RBFOX1: variants seen among roughly 807,000 people sequenced by gnomAD.
RBFOX1 encodes RNA binding protein fox-1 homolog 1.
Under a neutral mutation model 57.7 loss-of-function variants are expected in RBFOX1, and 8 were observed. The ratio of observed to expected loss-of-function variants is 0.14; its 90% confidence interval spans 0.08 to 0.25. The LOEUF is 0.25. Ranked by LOEUF, RBFOX1 falls within the 10% of genes least tolerant of loss-of-function variation. The pLI, the probability that RBFOX1 is intolerant of heterozygous loss-of-function variation, is 1.00. For synonymous variants in RBFOX1, 326 were observed against 222.4 expected (o/e 1.47, Z -4.15); for missense variants, 611 against 548.5 (o/e 1.11, Z -1.14).
At chr16:6,841,409 A>G (rs2093454401) in intron 3 of RBFOX1, among the ~76,000 whole-genome samples, 1 of 152,158 alleles carries the variant, frequency 6.6e-6, no homozygotes, top group Non-Finnish European at 1.5e-5. Flanking sequence ...GTGTTAATTG[A>G]CATCCTGTTT....
rs550731916 is a variant in RBFOX1 at position 5,355,265 on chromosome 16, C to T, written c.220-111951C>T. Among the ~76,000 whole-genome samples, 457 of 152,258 alleles carry T rather than the reference C, an allele frequency of 3.0e-3. 4 individuals carry two copies. The highest frequency in any genetic ancestry group is 4.2e-3 in the Non-Finnish European group (286 of 68,032). Reference sequence around the variant, plus strand: ...GAAATGGCAGATGGCACACTTAGAGCAGGATAGTTCAAGGAAGGTTTCACA... The same window carrying T: ...GAAATGGCAGATGGCACACTTAGAGTAGGATAGTTCAAGGAAGGTTTCACA... On this transcript the variant is annotated intron_variant, in intron 1 of 2. Coordinates refer to the RBFOX1 transcript ENST00000585867.
chr16:7,015,511 T>C (rs946997220), intron 3 of RBFOX1, among the ~76,000 whole-genome samples: 1 of 152,172 alleles, frequency 6.6e-6, no homozygotes, highest in African/African-American at 2.4e-5. Flanking sequence ...AAAAGTGTTT[T>C]TCCCTTCCCA....
At chr16:6,955,371 C>G (rs1484673331) in intron 3 of RBFOX1, among the ~76,000 whole-genome samples, 4 of 151,758 alleles carry the variant, frequency 2.6e-5, no homozygotes, top group Non-Finnish European at 5.9e-5. Context: ...CACACACACA[C>G]ACGTGCACAT....
At chr16:7,294,529 A>G (rs1165457513) in intron 4 of RBFOX1, among the ~76,000 whole-genome samples, 2 of 151,424 alleles carry the variant, frequency 1.3e-5, no homozygotes, top group Non-Finnish European at 3.0e-5. Flanking sequence ...GGCAAGAAAA[A>G]AAAAAAAAAA....
At chr16:6,110,129 A>G (rs1033523177) in intron 1 of RBFOX1, among the ~76,000 whole-genome samples, 2 of 151,382 alleles carry the variant, frequency 1.3e-5, no homozygotes, top group African/African-American at 2.4e-5. Flanking sequence ...GGATAAGTAC[A>G]TCTATTTTGT....
chr16:7,527,934 T>G (rs1364692750), intron 5 of RBFOX1, among the ~76,000 whole-genome samples: 8 of 152,192 alleles, frequency 5.3e-5, no homozygotes, highest in Admixed American at 5.2e-4. Context: ...AAACTCCAAT[T>G]CCGAGATTTA....
intron 2 of RBFOX1, among the ~76,000 whole-genome samples, chr16:6,557,032 T>C (rs1282003304): frequency 1.4e-5 from 2 of 139,384 alleles, no homozygotes; most frequent in Middle Eastern, 3.4e-3. Context: ...TATACATATA[T>C]ACACATATAT....
chr16:6,843,996 A>C (rs915735538), intron 3 of RBFOX1, among the ~76,000 whole-genome samples: 5 of 152,074 alleles, frequency 3.3e-5, no homozygotes, highest in African/African-American at 1.2e-4. Context: ...TTAACAAAGG[A>C]TATGGCATTT....
At chr16:5,587,987 C>G (rs1157585349) in intron 2 of RBFOX1, among the ~76,000 whole-genome samples, 4 of 152,076 alleles carry the variant, frequency 2.6e-5, no homozygotes, top group African/African-American at 9.7e-5. Context: ...CGTGGAAAAA[C>G]AAAGGTGGTC....
intron 3 of RBFOX1, among the ~76,000 whole-genome samples, chr16:5,753,509 CTTCTGT>C (rs1474719527): frequency 1.3e-5 from 2 of 152,160 alleles, no homozygotes; most frequent in African/African-American, 2.4e-5. Flanking sequence ...AACGGAGTTG[CTTCTGT>C]TTCTAAGAGC....
chr16:6,867,422 T>G (rs930758633), intron 3 of RBFOX1, among the ~76,000 whole-genome samples: 9 of 151,124 alleles, frequency 6.0e-5, no homozygotes, highest in African/African-American at 1.9e-4. Context: ...TAATGAGGAT[T>G]AAGGGAAGAA....
At chr16:7,126,922 T>C (rs1222084685) in intron 4 of RBFOX1, among the ~76,000 whole-genome samples, 1 of 148,604 alleles carries the variant, frequency 6.7e-6, no homozygotes, top group African/African-American at 2.5e-5. Context: ...GGCAGGAGAA[T>C]AGCTTAAACC....
intron 3 of RBFOX1, among the ~76,000 whole-genome samples, chr16:6,808,276 C>G (rs545895945): frequency 5.3e-5 from 8 of 151,594 alleles, no homozygotes; most frequent in East Asian, 3.9e-4. Context: ...TTGGAATTAC[C>G]TCTTATCTTT....
At chr16:6,849,695 A>C (rs2093962139) in intron 3 of RBFOX1, among the ~76,000 whole-genome samples, 1 of 152,076 alleles carries the variant, frequency 6.6e-6, no homozygotes, top group Non-Finnish European at 1.5e-5. Context: ...ATAAAACAAA[A>C]AAAACTGAAA....
intron 1 of RBFOX1, among the ~76,000 whole-genome samples, chr16:6,298,952 G>T (rs2078463688): frequency 6.6e-6 from 1 of 152,126 alleles, no homozygotes; most frequent in Admixed American, 6.5e-5. Context: ...GGTAGGCACT[G>T]GTATTCATTG....
At chr16:6,772,483 G>A (rs1603619182) in intron 3 of RBFOX1, among the ~76,000 whole-genome samples, 1 of 151,474 alleles carries the variant, frequency 6.6e-6, no homozygotes, top group African/African-American at 2.4e-5. Context: ...ATGTGTATGT[G>A]TGGGTATGGG....
intron 3 of RBFOX1, among the ~76,000 whole-genome samples, chr16:6,748,753 G>C (rs1241142156): frequency 6.6e-6 from 1 of 152,070 alleles, no homozygotes; most frequent in Non-Finnish European, 1.5e-5. Context: ...TTTGAAGTTG[G>C]CTTAGATGTA....
intron 3 of RBFOX1, among the ~76,000 whole-genome samples, chr16:6,680,416 C>A (rs1484788440): frequency 6.6e-6 from 1 of 152,020 alleles, no homozygotes; most frequent in Non-Finnish European, 1.5e-5. Context: ...GCACCTGCCA[C>A]CACACCTGGC....
At position 5,279,538 on chromosome 16, in the gene RBFOX1, G is replaced by A. The variant is rs191761419; in HGVS notation, c.219+39433G>A. 2.6e-5 allele frequency among the ~76,000 whole-genome samples: 4 copies of A among 152,192 alleles called. No homozygotes were observed. In the East Asian group the frequency reaches 7.7e-4, roughly 29 times the overall value. ...ATTTTTTGAGATAGAGTCTCACTCT[G>A]TTGCCCAGGCTGGAGTGCAGTGGTG... On this transcript the variant is annotated intron_variant, in intron 1 of 2. Coordinates refer to the RBFOX1 transcript ENST00000585867.
Sources: allele counts gnomAD v4.1 joint callset (sites outside exome capture counted in the v4.1 genomes callset), GRCh38; gene constraint gnomAD v4.1.1; transcripts MANE v1.5; gene names NCBI Gene and HGNC (gene_info 2026-07-23, HGNC 2026-07-21).